MAF: variants seen among roughly 807,000 people sequenced by gnomAD.
MAF encodes MAF bZIP transcription factor.
In MAF, 10 loss-of-function variants were observed where a neutral mutation model predicts 22.0. That is an observed-to-expected ratio of 0.45 (90% confidence interval 0.28 to 0.77). The LOEUF (loss-of-function observed/expected upper bound fraction) is 0.77, where lower values mean the gene tolerates loss of function less well. Ranked by LOEUF, MAF falls within the 30% of genes least tolerant of loss-of-function variation. MAF has a pLI of 0.12. For synonymous variants in MAF, 337 were observed against 255.8 expected (o/e 1.32, Z -3.03); for missense variants, 544 against 548.4 (o/e 0.99, Z 0.08).
chr16:79,210,987 G>C, the MAF span, among the ~76,000 whole-genome samples: 2 of 151,608 alleles, frequency 1.3e-5, no homozygotes, highest in Admixed American at 6.6e-5. Flanking sequence ...GGATCTGGAT[G>C]AATTAATGTG....
chr16:79,571,687 GT>G, the MAF span, among the ~76,000 whole-genome samples: 269 of 152,140 alleles, frequency 1.8e-3, no homozygotes, highest in Non-Finnish European at 2.7e-3. Flanking sequence ...GCTCTCCTAG[GT>G]TCAGGCAGGA....
At chr16:79,594,670 G>A in intron 1 of MAF, 117 bp from the exon 2 acceptor site, 1 of 1,507,130 alleles carries the variant, frequency 6.6e-7, no homozygotes. Flanking sequence ...GAGACTTATT[G>A]TAATGAATGG....
At chr16:79,236,351 T>C in the MAF span, among the ~76,000 whole-genome samples, 55 of 151,654 alleles carry the variant, frequency 3.6e-4, no homozygotes, top group African/African-American at 1.1e-3. Context: ...TCCAGGCTCA[T>C]TGAGGGGAGC....
At chr16:79,554,223 T>C in the MAF span, among the ~76,000 whole-genome samples, 1 of 152,170 alleles carries the variant, frequency 6.6e-6, no homozygotes, top group South Asian at 2.1e-4. Flanking sequence ...GGTTTCCTAA[T>C]GAGATCCTCC....
chr16:79,368,258 C>A, the MAF span, among the ~76,000 whole-genome samples: 2 of 152,086 alleles, frequency 1.3e-5, no homozygotes, highest in East Asian at 1.9e-4. Flanking sequence ...CCTGAATGAG[C>A]CACATCCCTG....
chr16:79,211,677 T>C, the MAF span: 3 of 1,614,108 alleles, frequency 1.9e-6, no homozygotes, highest in African/African-American at 4.0e-5. Context: ...AGGGATGTAC[T>C]TCAACAACTG....
chr16:79,426,934 T>G, the MAF span, among the ~76,000 whole-genome samples: 1 of 152,142 alleles, frequency 6.6e-6, no homozygotes, highest in Non-Finnish European at 1.5e-5. Context: ...CTAACGACAT[T>G]CTTTGTGTGC....
the MAF span, among the ~76,000 whole-genome samples, chr16:79,499,230 T>C: frequency 6.6e-6 from 1 of 152,156 alleles, no homozygotes; most frequent in African/African-American, 2.4e-5. Context: ...CTGGGCTGCA[T>C]CAGCTGTGCT....
the MAF span, among the ~76,000 whole-genome samples, chr16:79,425,401 C>T: frequency 6.6e-6 from 1 of 152,152 alleles, no homozygotes; most frequent in African/African-American, 2.4e-5. Context: ...ATGAAAACAT[C>T]CGCAGAGATA....
the MAF span, among the ~76,000 whole-genome samples, chr16:79,535,087 T>A: frequency 6.6e-6 from 1 of 151,458 alleles, no homozygotes; most frequent in Non-Finnish European, 1.5e-5. Flanking sequence ...CAAAGTCAAT[T>A]TATCAATTCT....
the MAF span, among the ~76,000 whole-genome samples, chr16:79,360,825 G>A: frequency 1.7e-4 from 26 of 152,292 alleles, no homozygotes; most frequent in East Asian, 5.0e-3. Context: ...CCACCCAGCA[G>A]GGATGACTCA....
chr16:79,454,521 A>G, the MAF span, among the ~76,000 whole-genome samples: 1 of 152,208 alleles, frequency 6.6e-6, no homozygotes, highest in African/African-American at 2.4e-5. Flanking sequence ...AACTGCCAGT[A>G]TACTCATTAA....
At chr16:79,324,931 C>G in the MAF span, among the ~76,000 whole-genome samples, 1 of 152,156 alleles carries the variant, frequency 6.6e-6, no homozygotes, top group Non-Finnish European at 1.5e-5. Context: ...CTTTGAGCTT[C>G]TGGTGGTTTC....
At chr16:79,236,053 G>A in the MAF span, among the ~76,000 whole-genome samples, 2 of 152,052 alleles carry the variant, frequency 1.3e-5, no homozygotes, top group Non-Finnish European at 2.9e-5. Context: ...CTGAAACCCT[G>A]ACACTCCCAT....
the MAF span, among the ~76,000 whole-genome samples, chr16:79,435,399 T>C: frequency 6.6e-6 from 1 of 152,206 alleles, no homozygotes; most frequent in East Asian, 1.9e-4. Context: ...AGCCCTAGAT[T>C]TAGGAAAACA....
At chr16:79,280,633 C>T in the MAF span, among the ~76,000 whole-genome samples, 2 of 152,168 alleles carry the variant, frequency 1.3e-5, no homozygotes, top group East Asian at 3.9e-4. Flanking sequence ...TATTTCTTCT[C>T]TCTGGGGTGC....
chr16:79,497,886 C>G, the MAF span, among the ~76,000 whole-genome samples: 5 of 152,312 alleles, frequency 3.3e-5, no homozygotes, highest in South Asian at 1.0e-3. Flanking sequence ...CTGTTGTTCC[C>G]TATTGACTCA....
chr16:79,510,942 T>C, the MAF span, among the ~76,000 whole-genome samples: 1 of 152,160 alleles, frequency 6.6e-6, no homozygotes, highest in East Asian at 1.9e-4. Flanking sequence ...AAGAGATGCT[T>C]CTATCAGCAC....
chr16:79,529,825 G>T, the MAF span, among the ~76,000 whole-genome samples: 3 of 152,092 alleles, frequency 2.0e-5, no homozygotes, highest in African/African-American at 7.2e-5. Flanking sequence ...GCCAGATGTG[G>T]TGGTGCACAC....
Sources: allele counts gnomAD v4.1 joint callset (sites outside exome capture counted in the v4.1 genomes callset), GRCh38; gene constraint gnomAD v4.1.1; transcripts MANE v1.5; gene names NCBI Gene and HGNC (gene_info 2026-07-23, HGNC 2026-07-21).